The following SRGAP3 variants were observed in gnomAD, a reference collection of about 807,000 sequenced individuals.
SRGAP3 encodes the protein SLIT-ROBO Rho GTPase activating protein 3.
SRGAP3 carries 39 observed loss-of-function variants against 121.1 expected under a neutral mutation model. That is an observed-to-expected ratio of 0.32 (90% CI 0.25 to 0.42). The LOEUF is 0.42. Among genes scored for constraint, SRGAP3 ranks in the 10% least tolerant of loss-of-function variants. The probability of loss-of-function intolerance (pLI) is 1.00; values close to 1 mark genes in which losing one functional copy is unlikely to be tolerated. For synonymous variants in SRGAP3, 601 were observed against 570.0 expected, an observed-to-expected ratio of 1.05 and a Z score of -0.77; for missense variants, 1,213 against 1,470.6, an observed-to-expected ratio of 0.82 and a Z score of 2.86.
intron 3 of SRGAP3, among the ~76,000 whole-genome samples, chr3:9,309,628 AG>A (rs1955210827): frequency 6.6e-6 from 1 of 152,258 alleles, no homozygotes; most frequent in Non-Finnish European, 1.5e-5. Context: ...TGGGAGGCCA[AG>A]GCAGGAGGAT....
chr3:9,233,361 T>C (rs1953290420), intron 1 of SRGAP3, among the ~76,000 whole-genome samples: 1 of 152,224 alleles, frequency 6.6e-6, no homozygotes, highest in Non-Finnish European at 1.5e-5. Flanking sequence ...TCTTGTCTCA[T>C]CTATCTCTGT....
chr3:9,186,204 G>C (rs1158049700), intron 1 of SRGAP3, among the ~76,000 whole-genome samples: 1 of 152,168 alleles, frequency 6.6e-6, no homozygotes, highest in African/African-American at 2.4e-5. Flanking sequence ...GGCCTGGAAG[G>C]CTTTTCTCTG....
intron 4 of SRGAP3, among the ~76,000 whole-genome samples, chr3:9,064,887 ATAAG>A (rs1244734463): frequency 1.4e-5 from 2 of 139,324 alleles, no homozygotes; most frequent in Non-Finnish European, 3.2e-5. Context: ...AAATAAATAA[ATAAG>A]GAGGAAATTT....
At chr3:9,025,382 AC>A (rs1193356779) in intron 13 of SRGAP3, 44 bp from the exon 14 acceptor site, 1 of 1,596,316 alleles carries the variant, frequency 6.3e-7, no homozygotes, top group East Asian at 2.2e-5. Flanking sequence ...AATCCACGAG[AC>A]CTTGAGTTCA....
chr3:9,302,290 G>T (rs1423849471), intron 3 of SRGAP3, among the ~76,000 whole-genome samples: 1 of 152,166 alleles, frequency 6.6e-6, no homozygotes, highest in Middle Eastern at 3.2e-3. Context: ...AGACGAATGA[G>T]AAACGGGAGG....
intron 3 of SRGAP3, among the ~76,000 whole-genome samples, chr3:9,320,932 T>C (rs1955429337): frequency 6.6e-6 from 1 of 151,934 alleles, no homozygotes; most frequent in Non-Finnish European, 1.5e-5. Flanking sequence ...ATACAGACAG[T>C]ATATGTAATA....
chr3:8,998,075 G>A (rs1343802308), intron 18 of SRGAP3, among the ~76,000 whole-genome samples: 3 of 152,044 alleles, frequency 2.0e-5, no homozygotes, highest in African/African-American at 7.3e-5. Flanking sequence ...AGCAACGGGG[G>A]TCTCACTACA....
intron 1 of SRGAP3, among the ~76,000 whole-genome samples, chr3:9,132,832 T>A (rs1178633938): frequency 3.0e-5 from 4 of 131,644 alleles, no homozygotes; most frequent in East Asian, 4.5e-4. Context: ...ATTACATTTT[T>A]AAATAGGAAA....
chr3:9,070,051 A>C (rs1406413249), intron 4 of SRGAP3, among the ~76,000 whole-genome samples: 1 of 152,256 alleles, frequency 6.6e-6, no homozygotes, highest in African/African-American at 2.4e-5. Flanking sequence ...GTTTACCGCT[A>C]AGCATTGCCT....
At chr3:9,025,902 A>G (rs550184568) in intron 13 of SRGAP3, among the ~76,000 whole-genome samples, 2 of 152,306 alleles carry the variant, frequency 1.3e-5, no homozygotes, top group Admixed American at 1.3e-4. Context: ...AATTTTCCAC[A>G]TTATAATTTA....
Position 8,980,739 on chromosome 3 carries a change from C to G in SRGAP3, c.*4780G>C, listed in dbSNP as rs1197283033. The G allele has an allele frequency of 4.3e-6, 1 of 232,728 alleles. No homozygotes were observed. The highest frequency in any genetic ancestry group is 8.5e-6 in the Non-Finnish European group (1 of 117,548). 14.4% of individuals were successfully genotyped at this position (232,728 alleles called of 1,614,324 possible). A position where few individuals can be genotyped will look rare whatever the true frequency, so the allele number is the denominator to read the frequency against. ...TAGAGAAACGATATCCAGAAGAGGGCAACATTTATCATCACGTGGGGACAG... is the reference window on the plus strand; with the variant it reads ...TAGAGAAACGATATCCAGAAGAGGGGAACATTTATCATCACGTGGGGACAG... On this transcript the variant is annotated 3_prime_UTR_variant, in exon 22 of 22. Coordinates refer to ENST00000383836, the MANE Select transcript of SRGAP3 (RefSeq NM_014850.4).
At position 9,130,621 on chromosome 3, in the gene SRGAP3, G is replaced by A. The variant is rs779703986; in HGVS notation, c.68-5704C>T. ...AATGCCCTTGACATGATGCTAGACC[G>A]AGGCCCCTACAGGAACTTCTTGGTC... is the stretch of plus-strand genomic sequence containing the variant. On this transcript the variant is annotated intron_variant, in intron 1 of 21. Transcript: ENST00000383836. Among the ~76,000 whole-genome samples, 12 of 152,304 alleles carry A rather than the reference G, an allele frequency of 7.9e-5. No individual in the cohort carries two copies. In the South Asian group the frequency reaches 8.3e-4, roughly 11 times the overall value.
At chr3:9,297,220 T>A (rs1022057800) in intron 3 of SRGAP3, among the ~76,000 whole-genome samples, 1 of 152,170 alleles carries the variant, frequency 6.6e-6, no homozygotes, top group African/African-American at 2.4e-5. Flanking sequence ...CAAGCCCTGT[T>A]CCTCAGGTTA....
chr3:9,254,155 C>T (rs1037038852), upstream of SRGAP3, among the ~76,000 whole-genome samples: 6 of 152,128 alleles, frequency 3.9e-5, no homozygotes, highest in African/African-American at 9.7e-5. Flanking sequence ...CATGAATATT[C>T]GTAGGAGCCC....
chr3:9,101,203 CT>C (rs1292876762), intron 3 of SRGAP3, among the ~76,000 whole-genome samples: 1 of 152,206 alleles, frequency 6.6e-6, no homozygotes, highest in African/African-American at 2.4e-5. Context: ...AGGCGTACAG[CT>C]GCTGTAGAGG....
At chr3:9,294,459 A>G (rs1320687283) in intron 3 of SRGAP3, among the ~76,000 whole-genome samples, 1 of 152,112 alleles carries the variant, frequency 6.6e-6, no homozygotes, top group Non-Finnish European at 1.5e-5. Context: ...ATAACCATAA[A>G]ACAAACTCCC....
chr3:9,241,514 T>A (rs1953636162), intron 1 of SRGAP3, among the ~76,000 whole-genome samples: 1 of 152,188 alleles, frequency 6.6e-6, no homozygotes, highest in Non-Finnish European at 1.5e-5. Context: ...AAATCTCCAC[T>A]AAGAAACATC....
intron 3 of SRGAP3, among the ~76,000 whole-genome samples, chr3:9,272,690 A>G (rs1173098238): frequency 6.6e-6 from 1 of 152,210 alleles, no homozygotes; most frequent in Non-Finnish European, 1.5e-5. Context: ...CCTTTTGGCT[A>G]TTATGAGTAA....
At chr3:9,058,654 C>A (rs1006984417) in intron 6 of SRGAP3, 182 bp from the exon 7 acceptor site, 1 of 557,524 alleles carries the variant, frequency 1.8e-6, no homozygotes, top group African/African-American at 1.9e-5. Flanking sequence ...AGGGGAGTTG[C>A]GGTTGAGATT....
Sources: gnomAD v4.1 joint callset for allele counts (sites outside exome capture counted in the v4.1 genomes callset) on GRCh38, gnomAD v4.1.1 for gene constraint, MANE v1.5 for transcripts, NCBI Gene and HGNC (gene_info 2026-07-23, HGNC 2026-07-21) for gene names.